The following DLGAP2 variants were observed in gnomAD, a reference collection of about 807,000 sequenced individuals.
DLGAP2 encodes disks large-associated protein 2.
In DLGAP2, 26 loss-of-function variants were observed where a neutral mutation model predicts 100.3. The observed-to-expected ratio is 0.26, with a 90% CI of 0.19 to 0.36. The LOEUF (loss-of-function observed/expected upper bound fraction) is 0.36. Among genes scored for constraint, DLGAP2 ranks in the 10% least tolerant of loss-of-function variants. The pLI, the probability that DLGAP2 is intolerant of heterozygous loss-of-function variation, is 1.00. For missense variants in DLGAP2, 1,858 were observed against 1,453.2 expected (o/e 1.28, Z -4.53); for synonymous variants, 886 against 630.1 (o/e 1.41, Z -6.08).
At chr8:945,761 C>A (rs937984922) in intron 2 of DLGAP2, among the ~76,000 whole-genome samples, 1 of 152,102 alleles carries the variant, frequency 6.6e-6, no homozygotes, top group Non-Finnish European at 1.5e-5. Flanking sequence ...AATTCCTTTT[C>A]TTGCTTTTGC....
Position 1,292,428 on chromosome 8 carries a change from G to T in DLGAP2, c.106+33545G>T, listed in dbSNP as rs186342558. ...CTCCAGTTGGAGGATGGGACAGTGC[G>T]CTGTCTTTGGGCAGCTCAGAAGTGT... On this transcript the variant is annotated intron_variant, in intron 3 of 14. Transcript: ENST00000637795. Among the ~76,000 whole-genome samples the T allele has an allele frequency of 8.5e-5, 13 of 152,286 alleles. No homozygotes were observed. In the East Asian group the frequency reaches 2.1e-3, roughly 25 times the overall value.
chr8:1,569,541 C>G (rs1233452923), intron 6 of DLGAP2, among the ~76,000 whole-genome samples: 3 of 152,208 alleles, frequency 2.0e-5, no homozygotes, highest in Non-Finnish European at 4.4e-5. Context: ...CACATTTTTG[C>G]TGTTGCCTAT....
In DLGAP2 at chr8:1,420,360, C is replaced by T. The variant is rs189907990; in HGVS notation, c.107-81006C>T. Among the ~76,000 whole-genome samples, 146 of 152,288 alleles carry T rather than the reference C, an allele frequency of 9.6e-4. 1 individual carries two copies. Among genetic ancestry groups the T allele is most frequent in the African/African-American group, 3.3e-3 (139 of 41,554 alleles). The stretch of plus-strand genomic sequence containing the variant: ...GAAGTCGCTCTATCACAACAGTGTT[C>T]AGATAAATACACGTAAATGAAGCCT... On this transcript the variant is annotated intron_variant, in intron 3 of 14. Transcript: ENST00000637795.
At chr8:1,187,848 C>G (rs112592094) in intron 2 of DLGAP2, among the ~76,000 whole-genome samples, 19 of 119,262 alleles carry the variant, frequency 1.6e-4, no homozygotes, top group Non-Finnish European at 1.6e-4. Context: ...CACGGAATCT[C>G]ACACACCCGG....
chr8:889,704 C>T (rs1797995216), intron 1 of DLGAP2, among the ~76,000 whole-genome samples: 1 of 152,188 alleles, frequency 6.6e-6, no homozygotes, highest in East Asian at 1.9e-4. Context: ...CATGTTAGGC[C>T]ATTGTGAGCC....
chr8:1,473,191 A>G (rs1050337107), intron 3 of DLGAP2, among the ~76,000 whole-genome samples: 3 of 152,198 alleles, frequency 2.0e-5, no homozygotes, highest in African/African-American at 7.2e-5. Context: ...TTGGCCTCCC[A>G]AAGAGCTGGG....
chr8:1,077,581 A>G (rs1465805797), intron 2 of DLGAP2, among the ~76,000 whole-genome samples: 2 of 152,170 alleles, frequency 1.3e-5, no homozygotes, highest in Admixed American at 6.5e-5. Flanking sequence ...TGCTAACAAG[A>G]AGGTGAGATG....
At chr8:1,259,162 T>G (rs1799290790) in intron 3 of DLGAP2, among the ~76,000 whole-genome samples, 1 of 152,240 alleles carries the variant, frequency 6.6e-6, no homozygotes, top group Non-Finnish European at 1.5e-5. Flanking sequence ...TTCCATCAGT[T>G]TCTGTGAGGT....
intron 1 of DLGAP2, among the ~76,000 whole-genome samples, chr8:876,283 G>T (rs1797686234): frequency 6.6e-6 from 1 of 152,126 alleles, no homozygotes; most frequent in South Asian, 2.1e-4. Context: ...TCAGCCTCAA[G>T]AACTTTCTTT....
At chr8:1,308,564 T>C (rs1319418156) in intron 3 of DLGAP2, among the ~76,000 whole-genome samples, 1 of 152,214 alleles carries the variant, frequency 6.6e-6, no homozygotes, top group Non-Finnish European at 1.5e-5. Flanking sequence ...TCACTCTTGT[T>C]GCCCAGGCTG....
intron 3 of DLGAP2, among the ~76,000 whole-genome samples, chr8:1,310,939 T>G (rs912806828): frequency 1.3e-5 from 2 of 150,666 alleles, no homozygotes; most frequent in African/African-American, 4.9e-5. Flanking sequence ...TAACACAGAG[T>G]AAAAAAGAGA....
At chr8:995,371 T>C (rs1038332123) in intron 2 of DLGAP2, among the ~76,000 whole-genome samples, 14 of 152,346 alleles carry the variant, frequency 9.2e-5, no homozygotes, top group Admixed American at 7.8e-4. Flanking sequence ...TGAAATATTA[T>C]AGTAACTTTG....
intron 1 of DLGAP2, among the ~76,000 whole-genome samples, chr8:901,540 C>T (rs150661430): frequency 6.6e-6 from 1 of 152,206 alleles, no homozygotes; most frequent in African/African-American, 2.4e-5. Flanking sequence ...CAGAGAGGAG[C>T]GAGACGTTAA....
chr8:821,651 T>G lies in DLGAP2; in HGVS notation c.18+83826T>G, dbSNP rs181960235. On this transcript the variant is annotated intron_variant, in intron 1 of 14. Transcript: ENST00000637795. ...ATATTCTCTGGTACTGGTTGTTTGT[T>G]TCTTGGAATCTGTTTGGTTCTTTGC... Among the ~76,000 whole-genome samples the G allele has an allele frequency of 3.1e-4, 47 of 152,358 alleles. 2 individuals carry two copies. Among genetic ancestry groups the G allele is most frequent in the Non-Finnish European group, 5.0e-4 (34 of 68,042 alleles).
intron 1 of DLGAP2, among the ~76,000 whole-genome samples, chr8:868,397 A>G (rs1797536502): frequency 6.6e-6 from 1 of 152,192 alleles, no homozygotes; most frequent in South Asian, 2.1e-4. Flanking sequence ...GTTTATCTAC[A>G]GAAAAATGAG....
rs934355556 is a variant in DLGAP2, at chr8:1,704,778, A to G, written c.*3372A>G. 6.6e-6 allele frequency: 1 copy of G among 151,210 alleles called. No individual in the cohort carries two copies. Among genetic ancestry groups the G allele is most frequent in the Non-Finnish European group, 1.5e-5 (1 of 68,016 alleles). 9.4% of individuals were successfully genotyped at this position (151,210 alleles called of 1,614,324 possible). ...AAGGTTATCTGGTTTTAAAAGAAAA[A>G]AAAAAAGCCTACAAACTCAGTGACC... On this transcript the variant is annotated 3_prime_UTR_variant, in exon 15 of 15. Transcript: ENST00000637795.
intron 3 of DLGAP2, among the ~76,000 whole-genome samples, chr8:1,468,795 A>C (rs923364375): frequency 6.6e-6 from 1 of 152,118 alleles, no homozygotes; most frequent in African/African-American, 2.4e-5. Context: ...AGGCTCTGAA[A>C]ACCCTCCTCT....
At chr8:1,057,850 G>C (rs1486183265) in intron 2 of DLGAP2, among the ~76,000 whole-genome samples, 2 of 152,066 alleles carry the variant, frequency 1.3e-5, no homozygotes, top group Admixed American at 6.5e-5. Flanking sequence ...GATGTTTAAG[G>C]CTGGAGAAAT....
chr8:1,386,281 C>G (rs1478021181), intron 3 of DLGAP2, among the ~76,000 whole-genome samples: 1 of 151,940 alleles, frequency 6.6e-6, no homozygotes, highest in Non-Finnish European at 1.5e-5. Flanking sequence ...ATCACCAGAC[C>G]CAAAGTCGGT....
Sources: gnomAD v4.1 joint callset for allele counts (sites outside exome capture counted in the v4.1 genomes callset) on GRCh38, gnomAD v4.1.1 for gene constraint, MANE v1.5 for transcripts, NCBI Gene and HGNC (gene_info 2026-07-23, HGNC 2026-07-21) for gene names.